SPATA3: variants seen among roughly 807,000 people sequenced by gnomAD.
The protein encoded by SPATA3 is spermatogenesis associated 3.
Under a neutral mutation model 5.7 loss-of-function variants are expected in SPATA3, and 6 were observed. The observed-to-expected ratio is 1.06, with a 90% CI of 0.58 to 2.09. The LOEUF (loss-of-function observed/expected upper bound fraction) is 2.09, where lower values mean the gene tolerates loss of function less well. Among genes scored for constraint, SPATA3 ranks in the 30% most tolerant of loss-of-function variants. SPATA3 has a pLI of 0.00. For missense variants in SPATA3, 155 were observed against 130.4 expected (o/e 1.19, Z -0.92); for synonymous variants, 44 against 48.4 (o/e 0.91, Z 0.37).
chr2:231,009,381 G>A (rs73107171), downstream of SPATA3, among the ~76,000 whole-genome samples: 5 of 152,288 alleles, frequency 3.3e-5, no homozygotes, highest in African/African-American at 9.6e-5. Flanking sequence ...TGGATCCCCC[G>A]GGCAGTGGTG....
At chr2:231,017,171 G>T (rs981886027) in intron 6 of SPATA3, among the ~76,000 whole-genome samples, 2 of 152,216 alleles carry the variant, frequency 1.3e-5, no homozygotes, top group Admixed American at 1.3e-4. Flanking sequence ...AGGGAGTGGG[G>T]AACCTAGCTC....
chr2:231,002,588 A>C, intron 2 of SPATA3, 96 bp from the exon 3 acceptor site: 1 of 684,846 alleles, frequency 1.5e-6, no homozygotes, highest in South Asian at 2.7e-5. Context: ...TATTCCTGCA[A>C]TCCTGAGGGG....
downstream of SPATA3, chr2:231,006,636 G>T (rs1692635834): frequency 6.6e-6 from 1 of 152,272 alleles, no homozygotes; most frequent in African/African-American, 2.4e-5. Context: ...CGATGGAGGT[G>T]CATCGTGGGG....
chr2:231,019,362 T>C (rs535032576), intron 6 of SPATA3, among the ~76,000 whole-genome samples: 30 of 150,296 alleles, frequency 2.0e-4, no homozygotes, highest in East Asian at 2.0e-3. Flanking sequence ...CTTGCACTGT[T>C]GCCCAGGCTG....
exon 2 of SPATA3, chr2:231,000,413 C>A (rs774486139): frequency 1.9e-6 from 3 of 1,542,714 alleles, no homozygotes; most frequent in Non-Finnish European, 2.6e-6. Flanking sequence ...TGCCACTTGC[C>A]CCTGCAGCTC....
chr2:230,997,370 G>C lies in SPATA3; in HGVS notation c.791-2996G>C, dbSNP rs185976744. Among the ~76,000 whole-genome samples the C allele has an allele frequency of 9.8e-5, 15 of 152,286 alleles. No homozygotes were observed. In the East Asian group the frequency reaches 2.9e-3, roughly 29 times the overall value. On this transcript the variant is annotated intron_variant, in intron 1 of 2. Coordinates refer to ENST00000645363, the Ensembl canonical transcript of SPATA3. Reference sequence around the variant, plus strand: ...GAGGCCTCCCCAGCCACGTGGAACTGTAAGTTCCACAAACCTCTTTCTTTT... The same window carrying C: ...GAGGCCTCCCCAGCCACGTGGAACTCTAAGTTCCACAAACCTCTTTCTTTT...
chr2:231,003,487 G>A (rs1692430013), downstream of SPATA3, among the ~76,000 whole-genome samples: 1 of 152,216 alleles, frequency 6.6e-6, no homozygotes, highest in South Asian at 2.1e-4. Context: ...GGAAGGAGCT[G>A]AGAGGCAGGA....
In SPATA3 at chr2:231,015,819, T is replaced by C. The variant is rs574034555; in HGVS notation, c.*565+1607T>C. ...CAAGGCCTGGCCCTCTACGGAAAGCTTTCTGAAAATGCAAATGTCTCAGAA... is the reference window on the plus strand; with the variant it reads ...CAAGGCCTGGCCCTCTACGGAAAGCCTTCTGAAAATGCAAATGTCTCAGAA... On this transcript the variant is annotated intron_variant, in intron 6 of 8. Transcript: ENST00000452881. Among the ~76,000 whole-genome samples the C allele has an allele frequency of 1.8e-3, 275 of 152,346 alleles. 5 individuals carry two copies. Among genetic ancestry groups the C allele is most frequent in the South Asian group, 0.014 (69 of 4,834 alleles).
At chr2:231,018,853 T>A (rs1692997717) in intron 6 of SPATA3, among the ~76,000 whole-genome samples, 1 of 151,778 alleles carries the variant, frequency 6.6e-6, no homozygotes, top group African/African-American at 2.4e-5. Flanking sequence ...CCCAGCTAAT[T>A]TTTTGTATTT....
chr2:230,999,663 G>T, intron 1 of SPATA3: 1 of 168,818 alleles, frequency 5.9e-6, no homozygotes. Flanking sequence ...CATTCTGCTG[G>T]GATCCATACC....
At chr2:230,996,418 C>T (rs1002958794) in intron 1 of SPATA3, 2 of 1,552,292 alleles carry the variant, frequency 1.3e-6, no homozygotes, top group Admixed American at 3.9e-5. Flanking sequence ...AGCCTTGAAA[C>T]CACCTCCCGG....
At chr2:231,000,149 T>C (rs1245603510) in intron 1 of SPATA3, among the ~76,000 whole-genome samples, 4 of 152,190 alleles carry the variant, frequency 2.6e-5, no homozygotes, top group Non-Finnish European at 2.9e-5. Flanking sequence ...CAGTCTTCTC[T>C]TCTGTTTGGT....
At chr2:230,998,380 A>G (rs2368526) in intron 1 of SPATA3, among the ~76,000 whole-genome samples, 45,921 of 151,912 alleles carry the variant, frequency 0.3, 7,075 homozygotes, top group South Asian at 0.44. Context: ...CTGGGTTATG[A>G]TCTTCAGAAC....
rs1472954835 is a variant in SPATA3, at chr2:230,996,305, C to T, written c.791-4061C>T. The stretch of plus-strand genomic sequence containing the variant: ...ACTCCACCTCCCAGCATGCTAGCTC[C>T]AATTCCACCTCTCAGCAGCCTAGCC... On this transcript the variant is annotated intron_variant, in intron 1 of 2. Coordinates refer to ENST00000645363, the Ensembl canonical transcript of SPATA3. 4 of 1,551,220 alleles carry T rather than the reference C, an allele frequency of 2.6e-6. No individual in the cohort carries two copies. In the East Asian group the frequency reaches 7.3e-5, roughly 28 times the overall value.
intron 2 of SPATA3, among the ~76,000 whole-genome samples, chr2:231,002,128 G>A (rs1435941950): frequency 3.3e-5 from 5 of 152,210 alleles, no homozygotes; most frequent in African/African-American, 1.2e-4. Context: ...TTTTCTCAAT[G>A]GAGTGTAATG....
At chr2:231,006,265 G>A (rs1692621159), downstream of SPATA3, among the ~76,000 whole-genome samples, 1 of 150,464 alleles carries the variant, frequency 6.6e-6, no homozygotes. Flanking sequence ...AGTTTGGAAG[G>A]CCGAGGCAGG....
chr2:231,017,480 T>C (rs1692962303), intron 6 of SPATA3, among the ~76,000 whole-genome samples: 1 of 152,136 alleles, frequency 6.6e-6, no homozygotes, highest in South Asian at 2.1e-4. Context: ...TTGGACCAAC[T>C]CAGTTGACAT....
At chr2:231,004,376 G>A (rs1427818322), downstream of SPATA3, among the ~76,000 whole-genome samples, 1 of 152,190 alleles carries the variant, frequency 6.6e-6, no homozygotes, top group African/African-American at 2.4e-5. Flanking sequence ...TGTCAACATG[G>A]AGGTGGTGGG....
intron 1 of SPATA3, among the ~76,000 whole-genome samples, chr2:230,998,720 A>G (rs1692229132): frequency 6.6e-6 from 1 of 152,226 alleles, no homozygotes; most frequent in African/African-American, 2.4e-5. Context: ...AGAAGGATGG[A>G]CAATAACAAG....
Sources: allele counts gnomAD v4.1 joint callset (sites outside exome capture counted in the v4.1 genomes callset), GRCh38; gene constraint gnomAD v4.1.1; transcripts MANE v1.5; gene names NCBI Gene and HGNC (gene_info 2026-07-23, HGNC 2026-07-21).